Variants in CNTNAP2 observed in about 807,000 individuals in gnomAD.
The protein encoded by CNTNAP2 is contactin associated protein 2.
In CNTNAP2, 98 loss-of-function variants were observed where a neutral mutation model predicts 155.2. The ratio of observed to expected loss-of-function variants is 0.63; its 90% CI spans 0.54 to 0.75. The LOEUF (loss-of-function observed/expected upper bound fraction) is 0.75, where lower values mean the gene tolerates loss of function less well. Ranked by LOEUF, CNTNAP2 falls within the 30% of genes least tolerant of loss-of-function variation. The pLI is 0.00. For missense variants in CNTNAP2, 1,727 were observed against 1,688.1 expected (o/e 1.02, Z -0.40); for synonymous variants, 651 against 631.2 (o/e 1.03, Z -0.47).
At chr7:146,853,516 A>G (rs1482241974) in intron 3 of CNTNAP2, among the ~76,000 whole-genome samples, 1 of 152,140 alleles carries the variant, frequency 6.6e-6, no homozygotes, top group Non-Finnish European at 1.5e-5. Context: ...AAGTGCAGAG[A>G]TGTTTGGCAT....
intron 8 of CNTNAP2, among the ~76,000 whole-genome samples, chr7:147,264,790 C>T (rs1804570061): frequency 6.6e-6 from 1 of 151,958 alleles, no homozygotes; most frequent in Non-Finnish European, 1.5e-5. Context: ...AAATGAGCTA[C>T]AAATGTTAAC....
rs183788008 is a variant in CNTNAP2 at position 146,305,780 on chromosome 7, C to T, written c.97+188807C>T. ...GGGGAAATTTATAGCACTAAATGCC[C>T]ACAAGAGAAAGCAGGAAAGATCTAA... On this transcript the variant is annotated intron_variant, in intron 1 of 23. Coordinates refer to ENST00000361727, the MANE Select transcript of CNTNAP2 (RefSeq NM_014141.6). 3.3e-3 allele frequency among the ~76,000 whole-genome samples: 501 copies of T among 151,944 alleles called. 3 individuals are homozygous for T. The highest frequency in any genetic ancestry group is 0.012 in the African/African-American group (484 of 41,446).
chr7:146,616,497 C>T lies in CNTNAP2; in HGVS notation c.98-157774C>T, dbSNP rs115916525. On this transcript the variant is annotated intron_variant, in intron 1 of 23. Transcript: ENST00000361727. ...ATCTTCTAGGGTAAAGCTACCTCTT[C>T]GTCACTTAACCCCAGCTTCAATGAA... Among the ~76,000 whole-genome samples, 368 of 152,280 alleles carry T rather than the reference C, an allele frequency of 2.4e-3. 2 individuals are homozygous for T. Among genetic ancestry groups the T allele is most frequent in the African/African-American group, 8.2e-3 (340 of 41,572 alleles).
In CNTNAP2 at chr7:147,283,156, C is replaced by T. The variant is rs1289604972; in HGVS notation, c.1349-16985C>T. On this transcript the variant is annotated intron_variant, in intron 8 of 23. Coordinates refer to ENST00000361727, the MANE Select transcript of CNTNAP2 (RefSeq NM_014141.6). ...ATGAGTTTTTTGACACATCTATACC[C>T]CCATCTAATGAGTTTTAAAGATAAC... Among the ~76,000 whole-genome samples the T allele has an allele frequency of 2.6e-5, 4 of 151,782 alleles. 1 individual carries two copies. The East Asian group carries it at 5.8e-4, about 22-fold the overall frequency.
chr7:147,817,236 A>G (rs915419469), intron 13 of CNTNAP2, among the ~76,000 whole-genome samples: 8 of 152,242 alleles, frequency 5.3e-5, no homozygotes, highest in African/African-American at 1.9e-4. Flanking sequence ...TGGGAGATTT[A>G]CCAAATACAG....
intron 1 of CNTNAP2, among the ~76,000 whole-genome samples, chr7:146,362,165 T>A (rs979769812): frequency 2.0e-5 from 3 of 152,180 alleles, no homozygotes; most frequent in African/African-American, 7.2e-5. Context: ...AAAAACTACT[T>A]TACTATATGT....
intron 2 of CNTNAP2, among the ~76,000 whole-genome samples, chr7:146,793,020 A>G (rs1261872406): frequency 6.6e-6 from 1 of 152,188 alleles, no homozygotes; most frequent in Non-Finnish European, 1.5e-5. Flanking sequence ...AATACATTTT[A>G]TATGTTTTAG....
chr7:147,240,306 T>C (rs1009973822), intron 8 of CNTNAP2, among the ~76,000 whole-genome samples: 21 of 152,240 alleles, frequency 1.4e-4, no homozygotes, highest in African/African-American at 5.1e-4. Flanking sequence ...GCTTGGGTGA[T>C]AGATGGAGAC....
chr7:146,411,248 C>T (rs1281052714), intron 1 of CNTNAP2, among the ~76,000 whole-genome samples: 4 of 151,716 alleles, frequency 2.6e-5, no homozygotes, highest in African/African-American at 7.3e-5. Flanking sequence ...CTTCTGCCTC[C>T]CGGGTTCAAG....
intron 9 of CNTNAP2, among the ~76,000 whole-genome samples, chr7:147,383,621 G>A (rs529480268): frequency 6.6e-6 from 1 of 152,116 alleles, no homozygotes; most frequent in East Asian, 1.9e-4. Flanking sequence ...GGCCTGTCGG[G>A]GTGGGGAGCA....
intron 1 of CNTNAP2, among the ~76,000 whole-genome samples, chr7:146,280,931 C>A (rs1419096921): frequency 6.6e-6 from 1 of 152,170 alleles, no homozygotes; most frequent in African/African-American, 2.4e-5. Context: ...ACCTGAGGAA[C>A]TTCTCAGGGT....
intron 10 of CNTNAP2, among the ~76,000 whole-genome samples, chr7:147,423,470 CTG>C (rs1433474280): frequency 1.3e-5 from 2 of 152,160 alleles, no homozygotes; most frequent in African/African-American, 4.8e-5. Flanking sequence ...CATTTGTCCA[CTG>C]TGTGTATCTT....
At chr7:146,222,068 G>A (rs941276236) in intron 1 of CNTNAP2, among the ~76,000 whole-genome samples, 7 of 152,136 alleles carry the variant, frequency 4.6e-5, no homozygotes, top group African/African-American at 1.4e-4. Flanking sequence ...ATAGAACTTA[G>A]ATTCAAGACT....
At chr7:147,020,481 C>T (rs983723495) in intron 3 of CNTNAP2, among the ~76,000 whole-genome samples, 31 of 152,088 alleles carry the variant, frequency 2.0e-4, no homozygotes, top group Non-Finnish European at 4.4e-4. Flanking sequence ...CACTGGGCCC[C>T]ATATCTCCTT....
chr7:147,521,922 C>T (rs1251178461), intron 11 of CNTNAP2, among the ~76,000 whole-genome samples: 1 of 152,208 alleles, frequency 6.6e-6, no homozygotes, highest in African/African-American at 2.4e-5. Context: ...ATCTGTTAGT[C>T]TGTTCCAGCT....
intron 1 of CNTNAP2, among the ~76,000 whole-genome samples, chr7:146,543,727 G>A (rs1563127937): frequency 6.6e-6 from 1 of 151,874 alleles, no homozygotes; most frequent in Non-Finnish European, 1.5e-5. Flanking sequence ...TCATCAACAT[G>A]TTGATAAGTA....
In CNTNAP2 at chr7:146,116,852, A is replaced by T. The variant is rs755613342; in HGVS notation, c.-25A>T. The T allele has an allele frequency of 7.3e-5, 112 of 1,531,570 alleles. No homozygotes were observed. The highest frequency in any genetic ancestry group is 9.7e-5 in the Non-Finnish European group (110 of 1,135,158). The allele number at this position is 1,531,570 out of a possible 1,614,324, so 94.9% of individuals were successfully genotyped here. On this transcript the variant is annotated 5_prime_UTR_variant, in exon 1 of 24. Coordinates refer to ENST00000361727, the MANE Select transcript of CNTNAP2 (RefSeq NM_014141.6). The surrounding 1 kb of genome is among the most constrained non-coding windows in gnomAD (Gnocchi z 5.5). ...CTGCATCTCCGCAGCGAGCTCTTGG[A>T]GCGCCGCCGGCCGGGAGGCGAAGGA...
intron 1 of CNTNAP2, among the ~76,000 whole-genome samples, chr7:146,507,683 G>C (rs1797405315): frequency 6.6e-6 from 1 of 152,104 alleles, no homozygotes; most frequent in Non-Finnish European, 1.5e-5. Flanking sequence ...CAGGCCTTTG[G>C]ACCTTGTTTT....
Position 147,921,056 on chromosome 7 carries a change from A to G in CNTNAP2, c.2255+17335A>G, listed in dbSNP as rs558979524. ...CATCTCCTGACCTTGTGATCTGCCC[A>G]CCTCGGCCTCCCAAAGTGCTGAGAT... On this transcript the variant is annotated intron_variant, in intron 14 of 23. Transcript: ENST00000361727. Among the ~76,000 whole-genome samples the G allele has an allele frequency of 5.3e-4, 80 of 151,070 alleles. No homozygotes were observed. The East Asian group carries it at 0.014, about 27-fold the overall frequency.
Sources: allele counts gnomAD v4.1 joint callset (sites outside exome capture counted in the v4.1 genomes callset), GRCh38; gene constraint gnomAD v4.1.1; non-coding constraint Gnocchi (gnomAD v3.1); transcripts MANE v1.5; gene names NCBI Gene and HGNC (gene_info 2026-07-23, HGNC 2026-07-21).